Variants in ABCF2 observed in about 807,000 individuals in gnomAD.
ABCF2 encodes ATP-binding cassette sub-family F member 2.
ABCF2 carries 37 observed loss-of-function variants against 76.9 expected under a neutral mutation model. That is an observed-to-expected ratio of 0.48 (90% CI 0.37 to 0.63). The LOEUF is 0.63. Among genes scored for constraint, ABCF2 ranks in the 30% least tolerant of loss-of-function variants. The pLI, the probability that ABCF2 is intolerant of heterozygous loss-of-function variation, is 0.00. For missense variants in ABCF2, 524 were observed against 782.1 expected, an observed-to-expected ratio of 0.67 and a Z score of 3.94; for synonymous variants, 299 against 283.7, an observed-to-expected ratio of 1.05 and a Z score of -0.54.
chr7:151,227,179 G>C lies in ABCF2; in HGVS notation c.-59C>G, dbSNP rs571694762. On this transcript the variant is annotated 5_prime_UTR_variant, in exon 1 of 15. Transcript: ENST00000287844. ...CTAACTCACTGGGCCTCGCTGCTCG[G>C]CCTATGTCGCAACAGAGCTGCTCCT... 6 of 152,338 alleles carry C rather than the reference G, an allele frequency of 3.9e-5. No individual in the cohort carries two copies. The highest frequency in any genetic ancestry group is 1.2e-4 in the African/African-American group (5 of 41,536). The allele number at this position is 152,338 out of a possible 1,614,324, so 9.4% of individuals were successfully genotyped here. A position where few individuals can be genotyped will look rare whatever the true frequency, so the allele number is the denominator to read the frequency against.
At position 151,213,882 on chromosome 7, in the gene ABCF2, G is replaced by A; in HGVS notation, c.*172C>T. On this transcript the variant is annotated 3_prime_UTR_variant, in exon 15 of 15. Transcript: ENST00000287844. ...ACAGGAAACAGACAGGTACTGTCCA[G>A]CTGTAGGTAAGAGAGTGCAGCTAAG... 6.9e-7 allele frequency: 1 copy of A among 1,439,658 alleles called. No homozygotes were observed. Among genetic ancestry groups the A allele is most frequent in the Non-Finnish European group, 9.1e-7 (1 of 1,103,704 alleles). The allele number at this position is 1,439,658 out of a possible 1,614,324, so 89.2% of individuals were successfully genotyped here.
chr7:151,215,712 G>A lies in ABCF2; in HGVS notation c.1422C>T (p.Asp474=), dbSNP rs908903641. ...RYHQHLQEQL[D]LDLSPLEYMM... ...TGTACTCCAAAGGTGAGAGATCTAAGTCCAGCTGCTCTTGTAAATGCTACA... is the reference window on the plus strand; with the variant it reads ...TGTACTCCAAAGGTGAGAGATCTAAATCCAGCTGCTCTTGTAAATGCTACA... The change falls in exon 13 of 15, where the codon GAC becomes GAT. Residue 474 remains aspartate, a synonymous_variant. Transcript: ENST00000287844. The surrounding 1 kb of genome is among the most constrained non-coding windows in gnomAD (Gnocchi z 4.6). 3.6e-5 allele frequency: 58 copies of A among 1,614,060 alleles called. No individual in the cohort carries two copies. Among genetic ancestry groups the A allele is most frequent in the Non-Finnish European group, 4.8e-5 (57 of 1,180,036 alleles).
chr7:151,215,459 G>T lies in ABCF2; in HGVS notation c.1530+145C>A. The stretch of plus-strand genomic sequence containing the variant: ...ACATAACAACCTAGAGTAAAGAAAA[G>T]GTAGTAGGTTCTTAGGGGAGTCAAA... On this transcript the variant is annotated intron_variant, in intron 13 of 14. Transcript: ENST00000287844. This position sits in a 1 kb window ranked among gnomAD's most constrained non-coding sequence, Gnocchi z 4.6. The T allele has an allele frequency of 1.0e-6, 1 of 998,274 alleles. No individual in the cohort carries two copies. The highest frequency in any genetic ancestry group is 2.4e-5 in the East Asian group (1 of 41,876). 61.8% of individuals were successfully genotyped at this position (998,274 alleles called of 1,614,324 possible).
In ABCF2 at chr7:151,218,647, G is replaced by A; in HGVS notation, c.1141C>T (p.Leu381=). 6.2e-7 allele frequency: 1 copy of A among 1,614,094 alleles called. No homozygotes were observed. Among genetic ancestry groups the A allele is most frequent in the Non-Finnish European group, 8.5e-7 (1 of 1,179,986 alleles). Residue 381 remains leucine, a synonymous_variant, in exon 10 of 15, where the codon CTG becomes TTG. Coordinates refer to ENST00000287844, the MANE Select transcript of ABCF2 (RefSeq NM_007189.3). ...LTERVVSDKT[L]SFYFPPCGKI... The stretch of plus-strand genomic sequence containing the variant: ...CCACATGGTGGGAAATAAAATGACA[G>A]TGTCTAGGAAGAAAAGAGGGCATTT...
At chr7:151,224,198 G>GGGGT in intron 3 of ABCF2, 84 bp from the exon 4 acceptor site, 4 of 1,412,852 alleles carry the variant, frequency 2.8e-6, no homozygotes, top group Non-Finnish European at 3.9e-6. Flanking sequence ...CAGTCAAACT[G>GGGGT]GGACCTCATC....
rs1802088376 is a variant in ABCF2, at chr7:151,213,471, G to A, written c.*583C>T. 1.0e-6 allele frequency: 1 copy of A among 985,750 alleles called. No individual in the cohort carries two copies. The highest frequency in any genetic ancestry group is 1.2e-6 in the Non-Finnish European group (1 of 830,178). The allele number at this position is 985,750 out of a possible 1,614,324, so 61.1% of individuals were successfully genotyped here. On this transcript the variant is annotated 3_prime_UTR_variant, in exon 15 of 15. Transcript: ENST00000287844. Reference sequence around the variant, plus strand: ...CAGTGCATGTTGGCACTGCAGGGAGGAGAAGGCCCCAGAGACCCGAGAAGG... The same window carrying A: ...CAGTGCATGTTGGCACTGCAGGGAGAAGAAGGCCCCAGAGACCCGAGAAGG...
rs1563611816 is a variant in ABCF2 at position 151,218,657 on chromosome 7, AG to A, written c.1138-8del. 1.2e-6 allele frequency: 2 copies of A among 1,614,060 alleles called. No individual in the cohort carries two copies. Among genetic ancestry groups the A allele is most frequent in the Non-Finnish European group, 1.7e-6 (2 of 1,179,966 alleles). On this transcript the variant is annotated splice_polypyrimidine_tract_variant and splice_region_variant and intron_variant, in intron 9 of 14. Transcript: ENST00000287844. Reference sequence around the variant, plus strand: ...GGAAATAAAATGACAGTGTCTAGGAAGAAAAGAGGGCATTTATCAAGTTGGC... The same window carrying A: ...GGAAATAAAATGACAGTGTCTAGGAAAAAAGAGGGCATTTATCAAGTTGGC...
In ABCF2 at chr7:151,215,924, T is replaced by C; in HGVS notation, c.1401+43A>G. ...AACTCAGCCAGATACAGCCCCTCCC[T>C]ATACCCTGGGCAATTCCCCGGATCC... On this transcript the variant is annotated intron_variant, in intron 12 of 14. Transcript: ENST00000287844. This position sits in a 1 kb window ranked among gnomAD's most constrained non-coding sequence, Gnocchi z 4.6. 1 of 1,607,494 alleles carries C rather than the reference T, an allele frequency of 6.2e-7. No homozygotes were observed. Among genetic ancestry groups the C allele is most frequent in the South Asian group, 1.1e-5 (1 of 90,832 alleles).
rs763255991 is a variant in ABCF2, at chr7:151,215,763, G to C, written c.1402-31C>G. Reference sequence around the variant, plus strand: ...GGAAAAATGGAAGCCACCCGGGTGTGACTGGCATCCCGCTTCAAAATAAAC... The same window carrying C: ...GGAAAAATGGAAGCCACCCGGGTGTCACTGGCATCCCGCTTCAAAATAAAC... On this transcript the variant is annotated intron_variant, in intron 12 of 14. Coordinates refer to ENST00000287844, the MANE Select transcript of ABCF2 (RefSeq NM_007189.3). The surrounding 1 kb of genome is among the most constrained non-coding windows in gnomAD (Gnocchi z 4.6). The C allele has an allele frequency of 2.5e-6, 4 of 1,613,980 alleles. No homozygotes were observed. The East Asian group carries it at 8.9e-5, about 36-fold the overall frequency.
intron 7 of ABCF2, 40 bp from the exon 8 acceptor site, chr7:151,219,199 C>T: frequency 6.3e-7 from 1 of 1,576,220 alleles, no homozygotes; most frequent in Non-Finnish European, 8.7e-7. Context: ...CAGCTTTAAC[C>T]TGGGTTTCAA....
In ABCF2 at chr7:151,212,452, T is replaced by C. The variant is rs1193454371; in HGVS notation, c.*1602A>G. 2 of 985,342 alleles carry C rather than the reference T, an allele frequency of 2.0e-6. No homozygotes were observed. Among genetic ancestry groups the C allele is most frequent in the Non-Finnish European group, 2.4e-6 (2 of 829,938 alleles). 61.0% of individuals were successfully genotyped at this position (985,342 alleles called of 1,614,324 possible). A position where few individuals can be genotyped will look rare whatever the true frequency, so the allele number is the denominator to read the frequency against. ...ACTCCTGGCCATCTCTGCACCTCTC[T>C]CATTCTACCAAATGCGATTAATCAA... On this transcript the variant is annotated 3_prime_UTR_variant, in exon 15 of 15. Coordinates refer to ENST00000287844, the MANE Select transcript of ABCF2 (RefSeq NM_007189.3).
Position 151,224,870 on chromosome 7 carries a change from G to C in ABCF2, c.273C>G (p.Leu91=). ...PNSTDVHIIN[L]SLTFHGQELL... Reference sequence around the variant, plus strand: ...GCTCTTGACCATGAAAGGTAAGTGAGAGGTTGATGATGTGAACATCAGTAC... The same window carrying C: ...GCTCTTGACCATGAAAGGTAAGTGACAGGTTGATGATGTGAACATCAGTAC... Residue 91 remains leucine, a synonymous_variant, in exon 3 of 15, where the codon CTC becomes CTG. Coordinates refer to ENST00000287844, the MANE Select transcript of ABCF2 (RefSeq NM_007189.3). 1.2e-6 allele frequency: 2 copies of C among 1,614,172 alleles called. No individual in the cohort carries two copies. The highest frequency in any genetic ancestry group is 1.1e-5 in the South Asian group (1 of 91,086).
chr7:151,217,282 C>T (rs1324671655), intron 11 of ABCF2, among the ~76,000 whole-genome samples: 6 of 152,184 alleles, frequency 3.9e-5, no homozygotes, highest in Middle Eastern at 3.4e-3. Flanking sequence ...ACCACTGAGA[C>T]GTTCCAAGTA....
At position 151,223,677 on chromosome 7, in the gene ABCF2, C is replaced by A; in HGVS notation, c.722+1G>T. 2 of 1,590,652 alleles carry A rather than the reference C, an allele frequency of 1.3e-6. No individual in the cohort carries two copies. The highest frequency in any genetic ancestry group is 1.1e-5 in the South Asian group (1 of 89,344). On this transcript the variant is annotated splice_donor_variant, in intron 5 of 14. Coordinates refer to ENST00000287844, the MANE Select transcript of ABCF2 (RefSeq NM_007189.3). LOFTEE classifies it high-confidence loss of function. Reference sequence around the variant, plus strand: ...GGGTAGGGAAGGAGGGAGGGACTCACCTGGCAAGGGCAACCCTCATCCTCC... The same window carrying A: ...GGGTAGGGAAGGAGGGAGGGACTCAACTGGCAAGGGCAACCCTCATCCTCC...
rs892168526 is a variant in ABCF2, at chr7:151,213,600, C to G, written c.*454G>C. On this transcript the variant is annotated 3_prime_UTR_variant, in exon 15 of 15. Coordinates refer to ENST00000287844, the MANE Select transcript of ABCF2 (RefSeq NM_007189.3). Reference sequence around the variant, plus strand: ...ATAATTATTTAAAAACTGACCAGGACGAAGGTCCTGGTCCGGAGCTCCAAA... The same window carrying G: ...ATAATTATTTAAAAACTGACCAGGAGGAAGGTCCTGGTCCGGAGCTCCAAA... 3 of 991,340 alleles carry G rather than the reference C, an allele frequency of 3.0e-6. No individual in the cohort carries two copies. Among genetic ancestry groups the G allele is most frequent in the Non-Finnish European group, 3.6e-6 (3 of 834,382 alleles). The allele number at this position is 991,340 out of a possible 1,614,324, so 61.4% of individuals were successfully genotyped here.
In ABCF2 at chr7:151,211,965, C is replaced by T. The variant is rs1218703207; in HGVS notation, c.*2089G>A. 1 of 983,242 alleles carries T rather than the reference C, an allele frequency of 1.0e-6. No individual in the cohort carries two copies. The highest frequency in any genetic ancestry group is 1.7e-5 in the African/African-American group (1 of 57,196). The allele number at this position is 983,242 out of a possible 1,614,324, so 60.9% of individuals were successfully genotyped here. On this transcript the variant is annotated 3_prime_UTR_variant, in exon 15 of 15. Coordinates refer to ENST00000287844, the MANE Select transcript of ABCF2 (RefSeq NM_007189.3). Reference sequence around the variant, plus strand: ...ATCCTACTCATTTTTCAAGTGAGAGCACACCAATTCCACCTTTCTGGGCAG... The same window carrying T: ...ATCCTACTCATTTTTCAAGTGAGAGTACACCAATTCCACCTTTCTGGGCAG...
intron 6 of ABCF2, 67 bp from the exon 7 acceptor site, chr7:151,221,747 G>T: frequency 8.3e-7 from 1 of 1,210,718 alleles, no homozygotes; most frequent in Non-Finnish European, 1.2e-6. Flanking sequence ...CAGGTGAACT[G>T]AAAGTCAGGC....
Position 151,213,833 on chromosome 7 carries a change from T to G in ABCF2, c.*221A>C. ...GGGAACGGCCAGCCGAGTCCAGACA[T>G]GGACAGATGTAACTGGAAGGAGGAC... On this transcript the variant is annotated 3_prime_UTR_variant, in exon 15 of 15. Coordinates refer to ENST00000287844, the MANE Select transcript of ABCF2 (RefSeq NM_007189.3). 1 of 1,381,328 alleles carries G rather than the reference T, an allele frequency of 7.2e-7. No homozygotes were observed. The highest frequency in any genetic ancestry group is 9.3e-7 in the Non-Finnish European group (1 of 1,072,866). The allele number at this position is 1,381,328 out of a possible 1,614,324, so 85.6% of individuals were successfully genotyped here.
Position 151,213,176 on chromosome 7 carries a change from C to A in ABCF2, c.*878G>T. On this transcript the variant is annotated 3_prime_UTR_variant, in exon 15 of 15. Transcript: ENST00000287844. ...CTCAAAATAGTCTCTAGACCAGCAA[C>A]AACAGCATCACCTGGAAACTTGCTA... 1.0e-6 allele frequency: 1 copy of A among 984,892 alleles called. No individual in the cohort carries two copies. Among genetic ancestry groups the A allele is most frequent in the Non-Finnish European group, 1.2e-6 (1 of 829,440 alleles). 61.0% of individuals were successfully genotyped at this position (984,892 alleles called of 1,614,324 possible). A position where few individuals can be genotyped will look rare whatever the true frequency, so the allele number is the denominator to read the frequency against.
Sources: allele counts gnomAD v4.1 joint callset (sites outside exome capture counted in the v4.1 genomes callset), GRCh38; gene constraint gnomAD v4.1.1; non-coding constraint Gnocchi (gnomAD v3.1); transcripts MANE v1.5; gene names NCBI Gene and HGNC (gene_info 2026-07-23, HGNC 2026-07-21).